Variants in HS6ST3 observed in about 807,000 individuals in gnomAD.
HS6ST3 encodes heparan sulfate 6-O-sulfotransferase 3.
A neutral mutation model predicts 36.7 loss-of-function variants in HS6ST3; 12 were observed. The observed-to-expected ratio is 0.33, with a 90% CI of 0.21 to 0.53. HS6ST3 has a LOEUF of 0.53. HS6ST3 is among the 20% of genes least tolerant of loss of function. The pLI is 0.95. For missense variants in HS6ST3, 584 were observed against 640.9 expected (o/e 0.91, Z 0.96); for synonymous variants, 240 against 257.5 (o/e 0.93, Z 0.65).
chr13:96,154,136 TATTA>T lies in HS6ST3; in HGVS notation c.707+62572_707+62575del, dbSNP rs548536503. 3.0e-3 allele frequency among the ~76,000 whole-genome samples: 450 copies of T among 152,196 alleles called. 1 individual carries two copies. The highest frequency in any genetic ancestry group is 4.8e-3 in the South Asian group (23 of 4,826). ...AGTGAAATGAGGTGATTAATATTAA[TATTA>T]ATTATAATGTTAATATTAAATATCA... On this transcript the variant is annotated intron_variant, in intron 1 of 1. Coordinates refer to ENST00000376705, the MANE Select transcript of HS6ST3 (RefSeq NM_153456.4).
chr13:96,661,363 G>T (rs2056645767), intron 1 of HS6ST3, among the ~76,000 whole-genome samples: 6 of 152,022 alleles, frequency 3.9e-5, no homozygotes, highest in Admixed American at 3.9e-4. Context: ...TCTTCTTGTT[G>T]AATTGAATCC....
intron 1 of HS6ST3, among the ~76,000 whole-genome samples, chr13:96,497,664 T>C (rs1313517456): frequency 6.6e-6 from 1 of 152,170 alleles, no homozygotes; most frequent in Non-Finnish European, 1.5e-5. Flanking sequence ...ATGTTCTGCT[T>C]CTGCCCCTCT....
At chr13:96,697,835 G>A (rs1454164077) in intron 1 of HS6ST3, among the ~76,000 whole-genome samples, 1 of 152,064 alleles carries the variant, frequency 6.6e-6, no homozygotes, top group East Asian at 1.9e-4. Flanking sequence ...TCAAGATGTG[G>A]TACAATGGTA....
At chr13:96,406,463 A>G (rs968364275) in intron 1 of HS6ST3, among the ~76,000 whole-genome samples, 2 of 152,198 alleles carry the variant, frequency 1.3e-5, no homozygotes, top group East Asian at 3.9e-4. Context: ...TAAACTGAAC[A>G]CTGAAGTGCT....
chr13:96,114,119 T>G (rs1296283130), intron 1 of HS6ST3, among the ~76,000 whole-genome samples: 1 of 151,930 alleles, frequency 6.6e-6, no homozygotes. Flanking sequence ...AATTTTAATT[T>G]CTTTTCTATT....
intron 1 of HS6ST3, among the ~76,000 whole-genome samples, chr13:96,413,393 ATAAC>A (rs1228827506): frequency 3.9e-5 from 6 of 152,224 alleles, no homozygotes; most frequent in African/African-American, 1.4e-4. Flanking sequence ...TGAGCGGAAA[ATAAC>A]TAGTACAGTT....
At chr13:96,371,075 A>G (rs1423070156) in intron 1 of HS6ST3, among the ~76,000 whole-genome samples, 1 of 152,224 alleles carries the variant, frequency 6.6e-6, no homozygotes, top group East Asian at 1.9e-4. Context: ...AATGCTGTGT[A>G]GCATTATTTC....
intron 1 of HS6ST3, among the ~76,000 whole-genome samples, chr13:96,629,584 T>C (rs2056524904): frequency 6.6e-6 from 1 of 152,216 alleles, no homozygotes; most frequent in South Asian, 2.1e-4. Context: ...CTCTATTGTG[T>C]TGAGAAATCA....
intron 1 of HS6ST3, among the ~76,000 whole-genome samples, chr13:96,289,713 A>G (rs1566312991): frequency 6.6e-6 from 1 of 152,208 alleles, no homozygotes; most frequent in African/African-American, 2.4e-5. Context: ...TTGGCCACCT[A>G]AAAGTAAAAT....
intron 1 of HS6ST3, among the ~76,000 whole-genome samples, chr13:96,182,045 G>A (rs2054242459): frequency 6.6e-6 from 1 of 152,160 alleles, no homozygotes; most frequent in African/African-American, 2.4e-5. Flanking sequence ...AGAAATGACA[G>A]CCTCGAAAAA....
intron 1 of HS6ST3, among the ~76,000 whole-genome samples, chr13:96,637,500 G>T (rs1412310296): frequency 6.6e-6 from 1 of 152,088 alleles, no homozygotes; most frequent in Non-Finnish European, 1.5e-5. Context: ...TTGTTCTGCT[G>T]ATGAATTGAG....
chr13:96,664,010 A>AT (rs910737499), intron 1 of HS6ST3, among the ~76,000 whole-genome samples: 13 of 151,584 alleles, frequency 8.6e-5, no homozygotes, highest in East Asian at 5.8e-4. Context: ...GTTTAAGGGA[A>AT]TTTTTTTTTG....
intron 1 of HS6ST3, among the ~76,000 whole-genome samples, chr13:96,697,756 A>G (rs1875170378): frequency 6.6e-6 from 1 of 152,166 alleles, no homozygotes; most frequent in African/African-American, 2.4e-5. Context: ...TTATTTCCTA[A>G]CTTTGCCAAA....
intron 1 of HS6ST3, among the ~76,000 whole-genome samples, chr13:96,723,865 T>G (rs1447953695): frequency 6.6e-6 from 1 of 152,246 alleles, no homozygotes; most frequent in Non-Finnish European, 1.5e-5. Flanking sequence ...TAAATTCCTT[T>G]AATTCCTATT....
intron 1 of HS6ST3, among the ~76,000 whole-genome samples, chr13:96,821,621 C>T (rs1054197505): frequency 2.0e-5 from 3 of 152,198 alleles, no homozygotes; most frequent in African/African-American, 7.2e-5. Flanking sequence ...TTTTTCACTG[C>T]ACATGGAACA....
chr13:96,103,968 T>C (rs2053829624), intron 1 of HS6ST3, among the ~76,000 whole-genome samples: 1 of 151,904 alleles, frequency 6.6e-6, no homozygotes, highest in Non-Finnish European at 1.5e-5. Context: ...TTTTTTTTTT[T>C]TTTTCCCATT....
chr13:96,208,043 T>C (rs777026443), intron 1 of HS6ST3, among the ~76,000 whole-genome samples: 2 of 152,156 alleles, frequency 1.3e-5, no homozygotes, highest in Non-Finnish European at 2.9e-5. Context: ...AAGGAATAGA[T>C]CATATAAACA....
chr13:96,631,764 C>T (rs932063737), intron 1 of HS6ST3, among the ~76,000 whole-genome samples: 7 of 152,190 alleles, frequency 4.6e-5, no homozygotes, highest in Non-Finnish European at 8.8e-5. Flanking sequence ...AATTTCAATT[C>T]GCTTTTGTAG....
chr13:96,539,732 C>T (rs2056170574), intron 1 of HS6ST3, among the ~76,000 whole-genome samples: 1 of 152,138 alleles, frequency 6.6e-6, no homozygotes, highest in Non-Finnish European at 1.5e-5. Flanking sequence ...AAAAGAGAAA[C>T]ATTCTGATGG....
Sources: allele counts gnomAD v4.1 joint callset (sites outside exome capture counted in the v4.1 genomes callset), GRCh38; gene constraint gnomAD v4.1.1; transcripts MANE v1.5; gene names NCBI Gene and HGNC (gene_info 2026-07-23, HGNC 2026-07-21).